ZFHX3: variants seen among roughly 807,000 people sequenced by gnomAD.
ZFHX3 encodes zinc finger homeobox protein 3.
Under a neutral mutation model 279.1 loss-of-function variants are expected in ZFHX3, and 42 were observed. The ratio of observed to expected loss-of-function variants is 0.15; its 90% CI spans 0.12 to 0.19. ZFHX3 has a LOEUF of 0.19. Among genes scored for constraint, ZFHX3 ranks in the 10% least tolerant of loss-of-function variants. The probability of loss-of-function intolerance (pLI) is 1.00; values close to 1 mark genes in which losing one functional copy is unlikely to be tolerated. For synonymous variants in ZFHX3, 2,293 were observed against 1,957.8 expected (o/e 1.17, Z -4.52); for missense variants, 4,981 against 4,754.0 (o/e 1.05, Z -1.40).
rs572221373 is a variant in ZFHX3, at chr16:72,920,850, G to A, written c.3216+29619C>T. The stretch of plus-strand genomic sequence containing the variant: ...TTTTGGAGGCCAAGGTGGGACGATT[G>A]CTTGAAGCCAGTAGTTTGAGACCAG... On this transcript the variant is annotated intron_variant, in intron 3 of 9. Transcript: ENST00000268489. 5.3e-5 allele frequency among the ~76,000 whole-genome samples: 8 copies of A among 151,828 alleles called. No individual in the cohort carries two copies. The East Asian group carries it at 1.6e-3, about 30-fold the overall frequency.
intron 1 of ZFHX3, among the ~76,000 whole-genome samples, chr16:73,010,953 C>T (rs1963892387): frequency 6.6e-6 from 1 of 151,994 alleles, no homozygotes; most frequent in Admixed American, 6.6e-5. Flanking sequence ...TACAGGTGTG[C>T]ACCACCGCAC....
At chr16:73,845,842 T>C (rs953348903) in intron 1 of ZFHX3, among the ~76,000 whole-genome samples, 1 of 151,944 alleles carries the variant, frequency 6.6e-6, no homozygotes, top group Non-Finnish European at 1.5e-5. Flanking sequence ...AGAGACAGAG[T>C]CTCACTCTGC....
intron 4 of ZFHX3, among the ~76,000 whole-genome samples, chr16:73,289,805 A>T (rs1477276850): frequency 1.3e-5 from 2 of 152,062 alleles, no homozygotes; most frequent in Non-Finnish European, 2.9e-5. Context: ...GTGGCTACAA[A>T]CCAGGAATCC....
At chr16:73,181,245 C>T (rs1967788509) in intron 5 of ZFHX3, among the ~76,000 whole-genome samples, 1 of 152,152 alleles carries the variant, frequency 6.6e-6, no homozygotes, top group Non-Finnish European at 1.5e-5. Context: ...GGATTACAGG[C>T]ACACGCCAGC....
chr16:73,248,795 T>C (rs750720564), intron 5 of ZFHX3, among the ~76,000 whole-genome samples: 2 of 152,142 alleles, frequency 1.3e-5, no homozygotes, highest in African/African-American at 2.4e-5. Context: ...TTGCATTCGA[T>C]CCTTATATTG....
At chr16:73,043,830 C>G (rs774342027) in intron 1 of ZFHX3, among the ~76,000 whole-genome samples, 15 of 152,248 alleles carry the variant, frequency 9.9e-5, no homozygotes, top group Non-Finnish European at 2.9e-5. Context: ...TGCACATGTT[C>G]AAAGAGATCA....
chr16:73,585,559 A>G (rs770024908), intron 2 of ZFHX3, among the ~76,000 whole-genome samples: 2 of 152,222 alleles, frequency 1.3e-5, no homozygotes, highest in Admixed American at 6.5e-5. Flanking sequence ...ATGTTTACCT[A>G]TGTAACAAAC....
intron 2 of ZFHX3, among the ~76,000 whole-genome samples, chr16:73,504,039 G>C (rs1301664537): frequency 1.3e-5 from 2 of 152,150 alleles, no homozygotes; most frequent in Non-Finnish European, 2.9e-5. Context: ...TTGAGTCAAT[G>C]ATGGTATTAA....
intron 2 of ZFHX3, among the ~76,000 whole-genome samples, chr16:73,642,465 C>T (rs1346537154): frequency 6.6e-6 from 1 of 152,126 alleles, no homozygotes; most frequent in African/African-American, 2.4e-5. Context: ...TGCATGAGTC[C>T]ACAATCAATG....
At chr16:73,699,679 C>G (rs1300613227) in intron 1 of ZFHX3, among the ~76,000 whole-genome samples, 1 of 152,150 alleles carries the variant, frequency 6.6e-6, no homozygotes, top group African/African-American at 2.4e-5. Flanking sequence ...GAAGCTGACA[C>G]TGTTATTATT....
chr16:72,944,057 G>A (rs952441790), intron 3 of ZFHX3, among the ~76,000 whole-genome samples: 1 of 152,212 alleles, frequency 6.6e-6, no homozygotes, highest in Non-Finnish European at 1.5e-5. Flanking sequence ...CGAGGTGGGT[G>A]GATCGTGCTT....
At chr16:73,181,073 T>TTTTG (rs1006970428) in intron 5 of ZFHX3, among the ~76,000 whole-genome samples, 12 of 149,032 alleles carry the variant, frequency 8.1e-5, no homozygotes, top group African/African-American at 2.3e-4. Flanking sequence ...CAGCTAGTTT[T>TTTTG]TTTGTTTGTT....
chr16:73,819,551 G>C (rs1445503612), intron 1 of ZFHX3, among the ~76,000 whole-genome samples: 1 of 152,096 alleles, frequency 6.6e-6, no homozygotes, highest in East Asian at 1.9e-4. Context: ...GGGCCACTTT[G>C]TGGTCTAATA....
intron 3 of ZFHX3, among the ~76,000 whole-genome samples, chr16:72,907,444 G>T (rs2039204513): frequency 6.6e-6 from 1 of 151,790 alleles, no homozygotes; most frequent in Non-Finnish European, 1.5e-5. Flanking sequence ...CGTGAGAAAG[G>T]CCTTTCACTA....
intron 2 of ZFHX3, among the ~76,000 whole-genome samples, chr16:73,468,540 A>G (rs1313642645): frequency 2.6e-5 from 4 of 152,182 alleles, no homozygotes; most frequent in Non-Finnish European, 5.9e-5. Flanking sequence ...GTTTGAGACC[A>G]GCCTGGCCAA....
At chr16:73,502,239 A>G (rs2019251946) in intron 2 of ZFHX3, among the ~76,000 whole-genome samples, 2 of 152,236 alleles carry the variant, frequency 1.3e-5, no homozygotes, top group South Asian at 4.1e-4. Context: ...TTCTTTGACA[A>G]AATCTGGCGA....
At chr16:73,768,470 T>C (rs2053979417) in intron 1 of ZFHX3, among the ~76,000 whole-genome samples, 1 of 152,226 alleles carries the variant, frequency 6.6e-6, no homozygotes, top group Non-Finnish European at 1.5e-5. Flanking sequence ...TGTATTACTC[T>C]TAAAATCTAA....
chr16:73,421,155 A>T (rs1257142165), intron 3 of ZFHX3: 3 of 14,792 alleles, frequency 2.0e-4, no homozygotes, highest in Admixed American at 8.3e-4. Context: ...AAATGAATGG[A>T]AAAAAAAATA....
intron 1 of ZFHX3, among the ~76,000 whole-genome samples, chr16:73,752,065 G>C (rs2053766957): frequency 6.6e-6 from 1 of 152,162 alleles, no homozygotes; most frequent in African/African-American, 2.4e-5. Flanking sequence ...TATAAGCAGA[G>C]AAAGAGAGAA....
Sources: allele counts gnomAD v4.1 joint callset (sites outside exome capture counted in the v4.1 genomes callset), GRCh38; gene constraint gnomAD v4.1.1; transcripts MANE v1.5; gene names NCBI Gene and HGNC (gene_info 2026-07-23, HGNC 2026-07-21).